PPP2R5C: variants seen among roughly 807,000 people sequenced by gnomAD.
PPP2R5C encodes serine/threonine-protein phosphatase 2A 56 kDa regulatory subunit gamma isoform.
Under a neutral mutation model 68.9 loss-of-function variants are expected in PPP2R5C, and 7 were observed. The observed-to-expected ratio is 0.10, with a 90% CI of 0.06 to 0.19. The LOEUF (loss-of-function observed/expected upper bound fraction) is 0.19, where lower values mean the gene tolerates loss of function less well. Ranked by LOEUF, PPP2R5C falls within the 10% of genes least tolerant of loss-of-function variation. PPP2R5C has a pLI of 1.00. For missense variants in PPP2R5C, 348 were observed against 641.3 expected (o/e 0.54, Z 4.94); for synonymous variants, 210 against 222.2 (o/e 0.95, Z 0.49).
intron 2 of PPP2R5C, chr14:101,765,631 A>G (rs145563209): frequency 0.13 from 20,676 of 162,038 alleles, 1,486 homozygotes; most frequent in African/African-American, 0.17. Flanking sequence ...GCAATGGCAC[A>G]GTCTCGGCTC....
chr14:101,906,338 G>T lies in PPP2R5C; in HGVS notation c.1024-64G>T. The T allele has an allele frequency of 6.6e-7, 1 of 1,506,286 alleles. No homozygotes were observed. The highest frequency in any genetic ancestry group is 8.9e-7 in the Non-Finnish European group (1 of 1,129,102). The allele number at this position is 1,506,286 out of a possible 1,614,324, so 93.3% of individuals were successfully genotyped here. A position where few individuals can be genotyped will look rare whatever the true frequency, so the allele number is the denominator to read the frequency against. On this transcript the variant is annotated intron_variant, in intron 9 of 13. Transcript: ENST00000334743. The surrounding 1 kb of genome is among the most constrained non-coding windows in gnomAD (Gnocchi z 4.0). ...CATTACCCGACTCACAGGTTTAACA[G>T]CAAGGACAGCCACCTGATGTCTCAG...
rs909093952 is a variant in PPP2R5C at position 101,787,306 on chromosome 14, T to C, written c.259+1123T>C. Among the ~76,000 whole-genome samples the C allele has an allele frequency of 5.3e-5, 8 of 152,272 alleles. No individual in the cohort carries two copies. The South Asian group carries it at 8.3e-4, about 16-fold the overall frequency. On this transcript the variant is annotated intron_variant, in intron 3 of 14. Coordinates refer to the PPP2R5C transcript ENST00000328724. Reference sequence around the variant, plus strand: ...GAGAGCAGGCAGTCTGTCATGTTTATAGCTGTATTCCCAGGCTTTCCACAC... The same window carrying C: ...GAGAGCAGGCAGTCTGTCATGTTTACAGCTGTATTCCCAGGCTTTCCACAC...
At chr14:101,809,392 T>TAAAA (rs549966280), upstream of PPP2R5C, among the ~76,000 whole-genome samples, 1 of 116,574 alleles carries the variant, frequency 8.6e-6, no homozygotes, top group African/African-American at 3.1e-5. Context: ...AACCATTTGT[T>TAAAA]AAAAAAAAAA....
chr14:101,823,585 C>G (rs537664037), intron 1 of PPP2R5C: 1 of 218,270 alleles, frequency 4.6e-6, no homozygotes, highest in Non-Finnish European at 7.9e-6. Context: ...GGTTCATTAA[C>G]CGTCGCCCTC....
intron 13 of PPP2R5C, among the ~76,000 whole-genome samples, chr14:101,920,010 A>C (rs1226717117): frequency 1.3e-5 from 2 of 151,202 alleles, no homozygotes; most frequent in Non-Finnish European, 2.9e-5. Flanking sequence ...TTACACATTA[A>C]ATAGCTTAGG....
intron 1 of PPP2R5C, 35 bp downstream of exon 1, chr14:101,761,955 A>G: frequency 1.7e-6 from 2 of 1,184,838 alleles, no homozygotes; most frequent in Non-Finnish European, 2.1e-6. Context: ...CGGAGGGAGC[A>G]GGGAGGGACT....
At chr14:101,886,515 C>G (rs1195227934) in intron 5 of PPP2R5C, among the ~76,000 whole-genome samples, 1 of 151,846 alleles carries the variant, frequency 6.6e-6, no homozygotes, top group African/African-American at 2.4e-5. Context: ...TTTTGATAGT[C>G]TTTTCTGTAA....
intron 2 of PPP2R5C, among the ~76,000 whole-genome samples, chr14:101,776,116 G>A (rs940713316): frequency 1.4e-5 from 2 of 147,774 alleles, no homozygotes; most frequent in Admixed American, 7.0e-5. Context: ...CACAGTGCTC[G>A]CTTGGAACCC....
chr14:101,883,562 G>A, exon 5 of PPP2R5C: 1 of 1,612,462 alleles, frequency 6.2e-7, no homozygotes, highest in Non-Finnish European at 8.5e-7. Flanking sequence ...ATATTTTATA[G>A]GTAAGTCACG....
chr14:101,896,715 GT>G (rs567574471), intron 8 of PPP2R5C, among the ~76,000 whole-genome samples: 2 of 150,202 alleles, frequency 1.3e-5, no homozygotes, highest in Non-Finnish European at 3.0e-5. Flanking sequence ...TTACATTGGA[GT>G]TTTTTTTTAA....
chr14:101,854,619 G>C (rs966106374), intron 1 of PPP2R5C, among the ~76,000 whole-genome samples: 2 of 152,140 alleles, frequency 1.3e-5, no homozygotes, highest in African/African-American at 2.4e-5. Flanking sequence ...AAGCAGAGGA[G>C]CTGCAGGAAA....
chr14:101,809,724 C>A, upstream of PPP2R5C: 1 of 996,312 alleles, frequency 1.0e-6, no homozygotes, highest in Non-Finnish European at 1.3e-6. Flanking sequence ...TTAAGGCACA[C>A]TGACAGCCAA....
At chr14:101,836,749 T>C (rs2041126597) in intron 1 of PPP2R5C, 1 of 192,006 alleles carries the variant, frequency 5.2e-6, no homozygotes, top group Admixed American at 5.4e-5. Context: ...TAAAAGAGTA[T>C]TAAAAAGAAA....
chr14:101,887,346 G>A (rs1242059006), intron 5 of PPP2R5C, among the ~76,000 whole-genome samples: 1 of 152,192 alleles, frequency 6.6e-6, no homozygotes, highest in African/African-American at 2.4e-5. Flanking sequence ...ACCTGCTCAT[G>A]CTCTTATCTC....
In PPP2R5C at chr14:101,912,299, A is replaced by G. The variant is rs1595541782; in HGVS notation, c.1254-102A>G. 6 of 932,686 alleles carry G rather than the reference A, an allele frequency of 6.4e-6. No individual in the cohort carries two copies. The South Asian group carries it at 1.5e-4, about 23-fold the overall frequency. 57.8% of individuals were successfully genotyped at this position (932,686 alleles called of 1,614,324 possible). ...GGAAATGGAGCAGGGGGGCTGCGGG[A>G]GGAGCCGCTGGCTGGGCTCAACATG... On this transcript the variant is annotated intron_variant, in intron 11 of 13. Coordinates refer to ENST00000334743, the Ensembl canonical transcript of PPP2R5C.
At chr14:101,840,439 C>T (rs1302225524) in intron 1 of PPP2R5C, among the ~76,000 whole-genome samples, 1 of 135,900 alleles carries the variant, frequency 7.4e-6, no homozygotes, top group South Asian at 2.4e-4. Context: ...TTTTTATCTT[C>T]TTACCCATGT....
intron 8 of PPP2R5C, among the ~76,000 whole-genome samples, chr14:101,896,938 C>T (rs532021937): frequency 1.4e-4 from 21 of 152,168 alleles, no homozygotes; most frequent in Admixed American, 1.4e-3. Context: ...CTTTTGGGCT[C>T]TGCTTTCTTG....
In PPP2R5C at chr14:101,882,307, G is replaced by C. The variant is rs936481802; in HGVS notation, c.405+36G>C. On this transcript the variant is annotated intron_variant, in intron 3 of 13. Coordinates refer to ENST00000334743, the Ensembl canonical transcript of PPP2R5C. This position sits in a 1 kb window ranked among gnomAD's most constrained non-coding sequence, Gnocchi z 4.9. ...CTGGGTGATAGACTCGGAGGGCACTGGTGACACATGGGAATGGCCTGGGAT... is the reference window on the plus strand; with the variant it reads ...CTGGGTGATAGACTCGGAGGGCACTCGTGACACATGGGAATGGCCTGGGAT... The C allele has an allele frequency of 6.6e-7, 1 of 1,506,534 alleles. No homozygotes were observed. The highest frequency in any genetic ancestry group is 1.2e-5 in the South Asian group (1 of 83,532). 93.3% of individuals were successfully genotyped at this position (1,506,534 alleles called of 1,614,324 possible). A position where few individuals can be genotyped will look rare whatever the true frequency, so the allele number is the denominator to read the frequency against.
intron 1 of PPP2R5C, chr14:101,823,935 C>T: frequency 7.8e-7 from 1 of 1,283,050 alleles, no homozygotes; most frequent in Non-Finnish European, 1.0e-6. Context: ...GATTCTGGGT[C>T]ACGAAGGTAA....
Sources: gnomAD v4.1 joint callset for allele counts (sites outside exome capture counted in the v4.1 genomes callset) on GRCh38, gnomAD v4.1.1 for gene constraint, Gnocchi (gnomAD v3.1) non-coding constraint, MANE v1.5 for transcripts, NCBI Gene and HGNC (gene_info 2026-07-23, HGNC 2026-07-21) for gene names.